HDAC4: variants seen among roughly 807,000 people sequenced by gnomAD.
HDAC4 encodes the protein histone deacetylase A.
HDAC4 carries 16 observed loss-of-function variants against 135.1 expected under a neutral mutation model. That is an observed-to-expected ratio of 0.12 (90% CI 0.08 to 0.18). The LOEUF is 0.18. Ranked by LOEUF, HDAC4 falls within the 10% of genes least tolerant of loss-of-function variation. The pLI is 1.00. For synonymous variants in HDAC4, 685 were observed against 653.4 expected, an observed-to-expected ratio of 1.05 and a Z score of -0.74; for missense variants, 1,143 against 1,511.8, an observed-to-expected ratio of 0.76 and a Z score of 4.05.
At chr2:239,254,416 C>T (rs2048946119) in intron 2 of HDAC4, among the ~76,000 whole-genome samples, 2 of 139,524 alleles carry the variant, frequency 1.4e-5, no homozygotes, top group South Asian at 4.6e-4. Flanking sequence ...ACAAGCTGCG[C>T]TAAAAAAAAA....
At chr2:239,295,112 C>A (rs2051787946) in intron 2 of HDAC4, among the ~76,000 whole-genome samples, 1 of 151,668 alleles carries the variant, frequency 6.6e-6, no homozygotes, top group Admixed American at 6.6e-5. Flanking sequence ...TCGAGACCAT[C>A]CCGGCTATAA....
At chr2:239,271,842 C>T (rs1247317581) in intron 2 of HDAC4, among the ~76,000 whole-genome samples, 1 of 152,234 alleles carries the variant, frequency 6.6e-6, no homozygotes, top group Non-Finnish European at 1.5e-5. Flanking sequence ...GGAAGTTACA[C>T]AGAGCTTCGA....
At chr2:239,083,189 C>T (rs1249936925) in intron 20 of HDAC4, among the ~76,000 whole-genome samples, 1 of 152,096 alleles carries the variant, frequency 6.6e-6, no homozygotes, top group African/African-American at 2.4e-5. Context: ...AGGGAGCACG[C>T]CACACAGGGT....
chr2:239,125,289 G>A lies in HDAC4; in HGVS notation c.1533+1167C>T, dbSNP rs143191851. Among the ~76,000 whole-genome samples, 587 of 152,242 alleles carry A rather than the reference G, an allele frequency of 3.9e-3. 9 individuals are homozygous for A. The highest frequency in any genetic ancestry group is 0.013 in the African/African-American group (538 of 41,550). ...GAGTGGGTTCTGGTGAGGTCTGGTCGGTTAGAAGTGTGTGGCCCCTCTCCC... is the reference window on the plus strand; with the variant it reads ...GAGTGGGTTCTGGTGAGGTCTGGTCAGTTAGAAGTGTGTGGCCCCTCTCCC... On this transcript the variant is annotated intron_variant, in intron 12 of 26. Transcript: ENST00000543185.
chr2:239,254,621 G>T (rs971523752), intron 2 of HDAC4, among the ~76,000 whole-genome samples: 1 of 152,122 alleles, frequency 6.6e-6, no homozygotes, highest in Non-Finnish European at 1.5e-5. Context: ...GCAGCACAAA[G>T]ATAGGAAAAG....
At chr2:239,363,214 A>C (rs997717698) in intron 1 of HDAC4, among the ~76,000 whole-genome samples, 6 of 152,252 alleles carry the variant, frequency 3.9e-5, no homozygotes, top group African/African-American at 1.4e-4. Flanking sequence ...TGAGATTCCG[A>C]TGTCAATGTT....
At position 239,115,356 on chromosome 2, in the gene HDAC4, T is replaced by C. The variant is rs1417394091; in HGVS notation, c.1534-46A>G. The C allele has an allele frequency of 1.9e-6, 3 of 1,609,502 alleles. No individual in the cohort carries two copies. The highest frequency in any genetic ancestry group is 2.5e-6 in the Non-Finnish European group (3 of 1,177,664). The stretch of plus-strand genomic sequence containing the variant: ...ATGAAGCACAGAGAGCTGGGTCCTC[T>C]GAGCTCATCTGACAGGAGAAGGGAT... On this transcript the variant is annotated intron_variant, in intron 12 of 26. Coordinates refer to ENST00000543185, the MANE Select transcript of HDAC4 (RefSeq NM_001378414.1). The surrounding 1 kb of genome is among the most constrained non-coding windows in gnomAD (Gnocchi z 6.3).
rs138536282 is a variant in HDAC4 at position 239,183,441 on chromosome 2, G to A, written c.339+6392C>T. 2.7e-3 allele frequency among the ~76,000 whole-genome samples: 405 copies of A among 152,348 alleles called. 2 individuals are homozygous for A. Among genetic ancestry groups the A allele is most frequent in the African/African-American group, 9.3e-3 (386 of 41,598 alleles). On this transcript the variant is annotated intron_variant, in intron 4 of 26. Coordinates refer to ENST00000543185, the MANE Select transcript of HDAC4 (RefSeq NM_001378414.1). The stretch of plus-strand genomic sequence containing the variant: ...GAAAGGGCGGCAGAATGGACGCCAC[G>A]GACGGTAAGCTGCCGCCCATGGATG...
intron 2 of HDAC4, among the ~76,000 whole-genome samples, chr2:239,297,149 T>G (rs1412360724): frequency 1.3e-5 from 2 of 152,016 alleles, no homozygotes; most frequent in African/African-American, 4.8e-5. Context: ...CATGTGCTGC[T>G]CTTTGTAAGC....
At chr2:239,127,304 G>A (rs1418665148) in intron 11 of HDAC4, among the ~76,000 whole-genome samples, 1 of 152,188 alleles carries the variant, frequency 6.6e-6, no homozygotes, top group Non-Finnish European at 1.5e-5. Context: ...ATCCCTGCCA[G>A]CGAGTGGAGG....
intron 1 of HDAC4, among the ~76,000 whole-genome samples, chr2:239,379,550 C>T (rs992243566): frequency 1.3e-5 from 2 of 152,190 alleles, no homozygotes; most frequent in Non-Finnish European, 2.9e-5. Context: ...GTCCCCTCGG[C>T]CTGAGCTGGC....
intron 12 of HDAC4, among the ~76,000 whole-genome samples, chr2:239,120,408 C>CACACACAG (rs1271113648): frequency 4.1e-5 from 6 of 145,092 alleles, no homozygotes; most frequent in East Asian, 4.2e-4. Flanking sequence ...CACAGACACA[C>CACACACAG]ACACACAGAC....
intron 14 of HDAC4, among the ~76,000 whole-genome samples, chr2:239,109,035 T>C (rs1463100865): frequency 2.0e-5 from 3 of 152,192 alleles, no homozygotes; most frequent in African/African-American, 7.2e-5. Flanking sequence ...CTGCAGAGGC[T>C]AGAGATGCGA....
At chr2:239,195,080 G>T in intron 3 of HDAC4, among the ~76,000 whole-genome samples, 1 of 152,202 alleles carries the variant, frequency 6.6e-6, no homozygotes. Flanking sequence ...GCCAGAGGGG[G>T]CTTCGGTGGG....
chr2:239,311,345 C>T (rs906260284), intron 2 of HDAC4, among the ~76,000 whole-genome samples: 8 of 152,106 alleles, frequency 5.3e-5, no homozygotes, highest in African/African-American at 1.4e-4. Context: ...CGGAGACACC[C>T]GACGCTCACC....
chr2:239,236,541 T>C (rs2047898603), intron 3 of HDAC4, 52 bp downstream of exon 3: 2 of 1,419,322 alleles, frequency 1.4e-6, no homozygotes, highest in East Asian at 5.0e-5. Flanking sequence ...TCTGAACACC[T>C]CTTTGGCTCA....
At chr2:239,163,708 G>C (rs769364007) in intron 6 of HDAC4, 95 bp downstream of exon 6, 1 of 1,305,052 alleles carries the variant, frequency 7.7e-7, no homozygotes, top group Non-Finnish European at 1.1e-6. Flanking sequence ...CCCTGCCTCC[G>C]GTGAAGAGCT....
intron 2 of HDAC4, among the ~76,000 whole-genome samples, chr2:239,254,450 A>C (rs1376906282): frequency 6.6e-6 from 1 of 152,090 alleles, no homozygotes; most frequent in African/African-American, 2.4e-5. Flanking sequence ...AAGAAGAGAA[A>C]CTATCATGAA....
At chr2:239,323,644 C>T (rs1019366246) in intron 2 of HDAC4, among the ~76,000 whole-genome samples, 1 of 152,030 alleles carries the variant, frequency 6.6e-6, no homozygotes, top group African/African-American at 2.4e-5. Flanking sequence ...TAGGTGTGTG[C>T]GCCTGGAAAG....
Sources: allele counts gnomAD v4.1 joint callset (sites outside exome capture counted in the v4.1 genomes callset), GRCh38; gene constraint gnomAD v4.1.1; non-coding constraint Gnocchi (gnomAD v3.1); transcripts MANE v1.5; gene names NCBI Gene and HGNC (gene_info 2026-07-23, HGNC 2026-07-21).